Variants in INO80 observed in about 807,000 individuals in gnomAD.
INO80 encodes INO80 complex ATPase subunit.
INO80 carries 20 observed loss-of-function variants against 203.4 expected under a neutral mutation model. The observed-to-expected ratio is 0.10, with a 90% CI of 0.07 to 0.14. INO80 has a LOEUF of 0.14. Among genes scored for constraint, INO80 ranks in the 10% least tolerant of loss-of-function variants. The pLI is 1.00. For synonymous variants in INO80, 726 were observed against 685.2 expected, an observed-to-expected ratio of 1.06 and a Z score of -0.93; for missense variants, 1,419 against 1,914.4, an observed-to-expected ratio of 0.74 and a Z score of 4.83.
At chr15:41,038,011 CTTTTTT>C (rs748525965) in intron 24 of INO80, among the ~76,000 whole-genome samples, 4 of 89,794 alleles carry the variant, frequency 4.5e-5, no homozygotes, top group Non-Finnish European at 6.3e-5. Flanking sequence ...CTTCCCTTTT[CTTTTTT>C]TTTTTTTTTT....
chr15:41,098,198 CTCTT>C (rs1187884712), intron 1 of INO80, among the ~76,000 whole-genome samples: 1 of 152,116 alleles, frequency 6.6e-6, no homozygotes, highest in Non-Finnish European at 1.5e-5. Flanking sequence ...GAGTTGTCTT[CTCTT>C]TTTTTTACAA....
chr15:41,095,799 T>G lies in INO80; in HGVS notation c.273A>C (p.Gly91=), dbSNP rs761605803. 6.2e-7 allele frequency: 1 copy of G among 1,614,184 alleles called. No homozygotes were observed. Among genetic ancestry groups the G allele is most frequent in the Admixed American group, 1.7e-5 (1 of 60,008 alleles). The part of the protein sequence containing the change: ...LGETSGAGSS[G]MLNTYSLNGV... ...CATTCAGAGAATATGTGTTTAACATTCCAGAACTGCCTGCTCCAGAAGTTT... is the reference window on the plus strand; with the variant it reads ...CATTCAGAGAATATGTGTTTAACATGCCAGAACTGCCTGCTCCAGAAGTTT... Residue 91 remains glycine (G), a synonymous_variant, in exon 3 of 36, where the codon GGA becomes GGC. Coordinates refer to ENST00000648947, the MANE Select transcript of INO80 (RefSeq NM_017553.3).
At chr15:41,007,577 GC>G (rs1359640548) in intron 27 of INO80, among the ~76,000 whole-genome samples, 1 of 151,722 alleles carries the variant, frequency 6.6e-6, no homozygotes, top group East Asian at 1.9e-4. Flanking sequence ...ATATATCAAG[GC>G]CAGCACAACC....
rs534724974 is a variant in INO80 at position 41,102,885 on chromosome 15, G to A, written c.-43-6532C>T. 4.7e-4 allele frequency among the ~76,000 whole-genome samples: 71 copies of A among 152,116 alleles called. 1 individual carries two copies. The highest frequency in any genetic ancestry group is 6.8e-3 in the Middle Eastern group (2 of 294). The stretch of plus-strand genomic sequence containing the variant: ...TTGACTGAAACTTTATTCTAAATGC[G>A]GAGTACACCAAAGTTCTGTCATCTA... On this transcript the variant is annotated intron_variant, in intron 1 of 35. Coordinates refer to ENST00000648947, the MANE Select transcript of INO80 (RefSeq NM_017553.3).
At chr15:41,073,739 T>G (rs1488560657) in intron 10 of INO80, among the ~76,000 whole-genome samples, 1 of 152,178 alleles carries the variant, frequency 6.6e-6, no homozygotes, top group Admixed American at 6.5e-5. Flanking sequence ...GCACTGCCTC[T>G]CAGTACTGGG....
chr15:41,049,848 T>C, intron 20 of INO80, 87 bp downstream of exon 20: 1 of 1,240,604 alleles, frequency 8.1e-7, no homozygotes, highest in Admixed American at 2.1e-5. Context: ...ATCACGCCAT[T>C]GCACTCCAGC....
chr15:41,027,735 G>C lies in INO80; in HGVS notation c.2909C>G (p.Ser970Cys), dbSNP rs958070727. The C allele has an allele frequency of 6.4e-7, 1 of 1,568,274 alleles. No homozygotes were observed. Among genetic ancestry groups the C allele is most frequent in the Non-Finnish European group, 8.6e-7 (1 of 1,156,312 alleles). The change falls in exon 25 of 36, where the codon TCT (serine) becomes TGT (cysteine). Residue 970 changes from serine to cysteine, a missense_variant and splice_region_variant. Transcript: ENST00000648947. Reference protein sequence around the residue: ...PNLCSCPLLKSLVFSSHCKAV... With the variant: ...PNLCSCPLLKCLVFSSHCKAV... ...TTTACAGTGGCTGCTGAAAACAAGA[G>C]ACTGCAAAATAAAAATGCAAATGAA...
intron 4 of INO80, among the ~76,000 whole-genome samples, chr15:41,093,151 G>A (rs1250788733): frequency 3.9e-5 from 6 of 152,176 alleles, no homozygotes; most frequent in Admixed American, 3.3e-4. Flanking sequence ...TACCGGCCGG[G>A]CTCAGTGGCT....
intron 24 of INO80, among the ~76,000 whole-genome samples, chr15:41,033,874 A>T (rs2044529460): frequency 6.6e-6 from 1 of 152,024 alleles, no homozygotes; most frequent in Non-Finnish European, 1.5e-5. Context: ...ACGCTAGAGT[A>T]GAAACCCTAT....
chr15:41,071,172 AAGAAAG>A (rs1191446066), intron 12 of INO80, among the ~76,000 whole-genome samples: 1 of 152,224 alleles, frequency 6.6e-6, no homozygotes, highest in Non-Finnish European at 1.5e-5. Context: ...CTGTCTCAAA[AAGAAAG>A]AGAAACAGAG....
chr15:41,031,963 G>GC (rs2044484748), intron 24 of INO80, among the ~76,000 whole-genome samples: 2 of 49,288 alleles, frequency 4.1e-5, no homozygotes, highest in South Asian at 8.4e-4. Context: ...CACAGCACAG[G>GC]ACAGCACAGC....
intron 24 of INO80, among the ~76,000 whole-genome samples, chr15:41,031,321 C>T (rs1002134485): frequency 2.0e-5 from 3 of 150,714 alleles, no homozygotes; most frequent in Non-Finnish European, 4.4e-5. Flanking sequence ...ACAAAGAATA[C>T]CTTAAGCAAT....
intron 28 of INO80, among the ~76,000 whole-genome samples, chr15:40,998,273 G>A (rs903633889): frequency 7.2e-5 from 11 of 151,868 alleles, no homozygotes; most frequent in African/African-American, 2.2e-4. Flanking sequence ...CGCCCGCCTC[G>A]GCCTCCCAAA....
chr15:41,113,688 T>C (rs1294851563), intron 1 of INO80, among the ~76,000 whole-genome samples: 1 of 152,174 alleles, frequency 6.6e-6, no homozygotes, highest in Non-Finnish European at 1.5e-5. Flanking sequence ...CATAGCTCAC[T>C]AGGGACTCAA....
At chr15:41,054,508 T>C (rs1254134626) in intron 18 of INO80, among the ~76,000 whole-genome samples, 1 of 152,192 alleles carries the variant, frequency 6.6e-6, no homozygotes, top group Non-Finnish European at 1.5e-5. Flanking sequence ...ATGCTCACAA[T>C]GAAAACAAAT....
chr15:41,029,733 G>A (rs987065461), intron 24 of INO80, among the ~76,000 whole-genome samples: 3 of 152,162 alleles, frequency 2.0e-5, no homozygotes, highest in Admixed American at 6.5e-5. Context: ...CATGAGTATC[G>A]TTACAAAGAT....
intron 14 of INO80, among the ~76,000 whole-genome samples, chr15:41,063,893 T>C (rs2045162544): frequency 6.6e-6 from 1 of 152,090 alleles, no homozygotes; most frequent in Admixed American, 6.6e-5. Context: ...AGAAAAACAA[T>C]ATATATCAGA....
At chr15:40,980,729 A>G (rs182111211) in intron 35 of INO80, among the ~76,000 whole-genome samples, 7 of 152,348 alleles carry the variant, frequency 4.6e-5, no homozygotes, top group Middle Eastern at 3.4e-3. Flanking sequence ...TAGAGCACAC[A>G]TTTTACAATC....
At chr15:41,040,331 G>A (rs1393758197) in intron 24 of INO80, among the ~76,000 whole-genome samples, 1 of 152,168 alleles carries the variant, frequency 6.6e-6, no homozygotes, top group Admixed American at 6.5e-5. Context: ...AAGACTTACC[G>A]TGAAGCTGTA....
Sources: gnomAD v4.1 joint callset for allele counts (sites outside exome capture counted in the v4.1 genomes callset) on GRCh38, gnomAD v4.1.1 for gene constraint, MANE v1.5 for transcripts, NCBI Gene and HGNC (gene_info 2026-07-23, HGNC 2026-07-21) for gene names.